The following SND1 variants were observed in gnomAD, a reference collection of about 807,000 sequenced individuals.
The protein encoded by SND1 is staphylococcal nuclease domain-containing protein 1.
A neutral mutation model predicts 121.7 loss-of-function variants in SND1; 38 were observed. That is an observed-to-expected ratio of 0.31 (90% CI 0.24 to 0.41). SND1 has a LOEUF of 0.41. Among genes scored for constraint, SND1 ranks in the 10% least tolerant of loss-of-function variants. The pLI, the probability that SND1 is intolerant of heterozygous loss-of-function variation, is 1.00. For missense variants in SND1, 868 were observed against 1,184.6 expected (o/e 0.73, Z 3.92); for synonymous variants, 401 against 447.4 (o/e 0.90, Z 1.31).
At chr7:128,040,160 A>G (rs1436130185) in intron 16 of SND1, among the ~76,000 whole-genome samples, 2 of 96,322 alleles carry the variant, frequency 2.1e-5, no homozygotes, top group South Asian at 2.3e-4. Context: ...AGCCCAGGCT[A>G]CCTGGGTCCT....
chr7:127,883,258 A>G (rs999548675), intron 12 of SND1, among the ~76,000 whole-genome samples: 1 of 152,158 alleles, frequency 6.6e-6, no homozygotes, highest in African/African-American at 2.4e-5. Flanking sequence ...TATTATGCCA[A>G]CATGGAGAAA....
At chr7:127,694,399 C>A (rs1795973220) in intron 2 of SND1, among the ~76,000 whole-genome samples, 1 of 152,162 alleles carries the variant, frequency 6.6e-6, no homozygotes, top group Non-Finnish European at 1.5e-5. Flanking sequence ...TTCCCTCTGC[C>A]TAGGTGGGTT....
intron 15 of SND1, among the ~76,000 whole-genome samples, chr7:127,962,669 C>G (rs1420648696): frequency 6.6e-6 from 1 of 152,192 alleles, no homozygotes; most frequent in East Asian, 1.9e-4. Flanking sequence ...TATTCTCCAT[C>G]CCCACTCTGC....
chr7:127,872,205 A>G (rs1015291121), intron 12 of SND1, among the ~76,000 whole-genome samples: 1 of 152,140 alleles, frequency 6.6e-6, no homozygotes, highest in African/African-American at 2.4e-5. Context: ...ATCTCATTTT[A>G]TAGGTATGGA....
At chr7:128,020,667 A>G (rs769118127) in intron 16 of SND1, among the ~76,000 whole-genome samples, 1 of 152,228 alleles carries the variant, frequency 6.6e-6, no homozygotes, top group African/African-American at 2.4e-5. Flanking sequence ...ACCCAGAATG[A>G]GAAGGCACCC....
chr7:127,694,840 C>G lies in SND1; in HGVS notation c.241C>G (p.Pro81Ala). 1 of 1,613,904 alleles carries G rather than the reference C, an allele frequency of 6.2e-7. No individual in the cohort carries two copies. The highest frequency in any genetic ancestry group is 1.7e-4 in the Middle Eastern group (1 of 6,060). ...KDTPDEPWAF[P>A]AREFLRKKLI... The stretch of plus-strand genomic sequence containing the variant: ...TTTTGTCTTTCAGCCCTGGGCATTT[C>G]CAGCTCGAGAGTTCCTTCGAAAGAA... The change falls in exon 3 of 24, where the codon CCA becomes GCA. Residue 81 changes from proline to alanine, a missense_variant. Around this residue, in one of 2 missense-constraint regions of SND1, gnomAD observed 743 missense variants for 1,071.3 expected, o/e 0.69. Coordinates refer to ENST00000354725, the MANE Select transcript of SND1 (RefSeq NM_014390.4).
intron 3 of SND1, among the ~76,000 whole-genome samples, chr7:127,698,324 G>A (rs1419439306): frequency 6.6e-6 from 1 of 152,158 alleles, no homozygotes; most frequent in Admixed American, 6.5e-5. Context: ...CTCTCTGATC[G>A]TACACGGTGA....
chr7:127,862,386 A>T (rs185576139), intron 12 of SND1, among the ~76,000 whole-genome samples: 1 of 152,290 alleles, frequency 6.6e-6, no homozygotes, highest in East Asian at 1.9e-4. Context: ...CGGTGATCTT[A>T]GGACAATTCC....
rs1464465275 is a variant in SND1 at position 127,987,757 on chromosome 7, TTTTG to T, written c.1670-3186_1670-3183del. On this transcript the variant is annotated intron_variant, in intron 15 of 23. Transcript: ENST00000354725. ...TTAAATCAATTCAGTGTCATAGCCG[TTTTG>T]TTTTTTTCCTTAATGAAATGGTGAA... Among the ~76,000 whole-genome samples, 12 of 142,726 alleles carry T rather than the reference TTTTG, an allele frequency of 8.4e-5. No individual in the cohort carries two copies. In the South Asian group the frequency reaches 2.5e-3, roughly 30 times the overall value. 93.6% of individuals were successfully genotyped at this position (142,726 alleles called of 152,430 possible). A position where few individuals can be genotyped will look rare whatever the true frequency, so the allele number is the denominator to read the frequency against.
At chr7:128,031,381 G>A (rs887548879) in intron 16 of SND1, 1 of 151,906 alleles carries the variant, frequency 6.6e-6, no homozygotes, top group Non-Finnish European at 1.5e-5. Context: ...CTCGCTGGAT[G>A]CTGCGCTCCC....
intron 16 of SND1, among the ~76,000 whole-genome samples, chr7:128,023,065 TC>T (rs1803394795): frequency 6.6e-6 from 1 of 152,168 alleles, no homozygotes; most frequent in African/African-American, 2.4e-5. Flanking sequence ...TCCTCCCCCA[TC>T]CAGGGTCCAG....
At chr7:127,939,437 C>A (rs1801135886) in intron 15 of SND1, among the ~76,000 whole-genome samples, 1 of 152,148 alleles carries the variant, frequency 6.6e-6, no homozygotes, top group African/African-American at 2.4e-5. Context: ...AAAGTCATCA[C>A]TAAAAATAAG....
chr7:127,953,052 TACTTGGGAGGCTGAAGTGGGAGGATC>T (rs907797355), intron 15 of SND1, among the ~76,000 whole-genome samples: 2 of 151,944 alleles, frequency 1.3e-5, no homozygotes, highest in African/African-American at 2.4e-5. Context: ...TAGTACCAGC[TACTTGGGAGGCTGAAGTGGGAGGATC>T]ACTTGAGCCT....
At chr7:128,061,703 G>A (rs764451274) in intron 16 of SND1, among the ~76,000 whole-genome samples, 1 of 152,260 alleles carries the variant, frequency 6.6e-6, no homozygotes, top group Non-Finnish European at 1.5e-5. Flanking sequence ...GAGGGCATGG[G>A]CCAGGGTCAT....
At chr7:127,707,456 C>T in intron 8 of SND1, 101 bp from the exon 9 acceptor site, 1 of 840,714 alleles carries the variant, frequency 1.2e-6, no homozygotes, top group Non-Finnish European at 2.0e-6. Flanking sequence ...CTGGATACAT[C>T]TATAGGGTAG....
intron 22 of SND1, among the ~76,000 whole-genome samples, chr7:128,091,555 G>A (rs1009925541): frequency 6.6e-6 from 1 of 152,150 alleles, no homozygotes; most frequent in African/African-American, 2.4e-5. Flanking sequence ...CATTAAGAGG[G>A]AGATACTTTA....
At chr7:127,895,887 C>T (rs1484622589) in intron 13 of SND1, among the ~76,000 whole-genome samples, 1 of 152,060 alleles carries the variant, frequency 6.6e-6, no homozygotes, top group African/African-American at 2.4e-5. Flanking sequence ...CCTTCTCTTC[C>T]CTCCCCACCC....
chr7:127,778,511 A>G (rs1340707181), intron 10 of SND1, among the ~76,000 whole-genome samples: 1 of 152,172 alleles, frequency 6.6e-6, no homozygotes, highest in Admixed American at 6.5e-5. Context: ...CATGTCTTCT[A>G]AATGCTTTTC....
intron 12 of SND1, among the ~76,000 whole-genome samples, chr7:127,850,120 T>C (rs915697515): frequency 1.3e-5 from 2 of 152,246 alleles, no homozygotes; most frequent in Non-Finnish European, 2.9e-5. Flanking sequence ...AGCTGTTCTA[T>C]TAGTGACTGA....
Sources: allele counts gnomAD v4.1 joint callset (sites outside exome capture counted in the v4.1 genomes callset), GRCh38; gene constraint gnomAD v4.1.1; regional missense constraint gnomAD v4.1.1; transcripts MANE v1.5; gene names NCBI Gene and HGNC (gene_info 2026-07-23, HGNC 2026-07-21).